The following MRTFB variants were observed in gnomAD, a reference collection of about 807,000 sequenced individuals.
MRTFB encodes myocardin-related transcription factor B.
A neutral mutation model predicts 104.2 loss-of-function variants in MRTFB; 29 were observed. The ratio of observed to expected loss-of-function variants is 0.28; its 90% CI spans 0.21 to 0.38. The LOEUF (loss-of-function observed/expected upper bound fraction) is 0.38. Among genes scored for constraint, MRTFB ranks in the 10% least tolerant of loss-of-function variants. MRTFB has a pLI of 1.00. For missense variants in MRTFB, 1,270 were observed against 1,341.6 expected, an observed-to-expected ratio of 0.95 and a Z score of 0.83; for synonymous variants, 535 against 519.5, an observed-to-expected ratio of 1.03 and a Z score of -0.41.
chr16:14,248,920 T>C lies in MRTFB; in HGVS notation c.2248-6T>C. ...AAATTGATGTTTTTTTCAATTCACC[T>C]CCTAGACTTCACCACAAGCAGGAAT... is the stretch of plus-strand genomic sequence containing the variant. On this transcript the variant is annotated splice_polypyrimidine_tract_variant and splice_region_variant and intron_variant, in intron 12 of 16. Coordinates refer to ENST00000571589, the MANE Select transcript of MRTFB (RefSeq NM_001308142.2). 1 of 1,613,314 alleles carries C rather than the reference T, an allele frequency of 6.2e-7. No homozygotes were observed. The highest frequency in any genetic ancestry group is 8.5e-7 in the Non-Finnish European group (1 of 1,179,784).
chr16:14,030,425 A>G, the MRTFB span, among the ~76,000 whole-genome samples: 1 of 152,060 alleles, frequency 6.6e-6, no homozygotes, highest in Non-Finnish European at 1.5e-5. Context: ...TGTAGTCATC[A>G]TTTGTCTATG....
At chr16:14,251,630 T>G (rs188251753) in intron 13 of MRTFB, among the ~76,000 whole-genome samples, 104 of 152,316 alleles carry the variant, frequency 6.8e-4, no homozygotes, top group Admixed American at 1.9e-3. Flanking sequence ...TAAAGTTTTA[T>G]TGGCACACAG....
chr16:14,045,649 C>T, the MRTFB span, among the ~76,000 whole-genome samples: 24 of 152,234 alleles, frequency 1.6e-4, 1 homozygote, highest in Non-Finnish European at 3.4e-4. Flanking sequence ...GATTCACATT[C>T]TACCTTCATC....
intron 8 of MRTFB, among the ~76,000 whole-genome samples, chr16:14,222,811 G>C (rs1202142695): frequency 1.3e-5 from 2 of 152,210 alleles, no homozygotes; most frequent in South Asian, 2.1e-4. Flanking sequence ...ACAGATGCTG[G>C]TGAGGCTGCG....
intron 3 of MRTFB, among the ~76,000 whole-genome samples, chr16:14,193,092 T>A (rs546017056): frequency 6.6e-6 from 1 of 151,550 alleles, no homozygotes; most frequent in African/African-American, 2.4e-5. Context: ...CCTTGCTGGT[T>A]TTCCCTCCCC....
At chr16:14,198,041 A>G (rs988965110) in intron 3 of MRTFB, among the ~76,000 whole-genome samples, 8 of 152,306 alleles carry the variant, frequency 5.3e-5, no homozygotes, top group Admixed American at 5.2e-4. Flanking sequence ...TCTGTCTCTG[A>G]ATTTACCAGT....
At chr16:14,205,048 A>G (rs1299726764) in intron 3 of MRTFB, among the ~76,000 whole-genome samples, 2 of 152,220 alleles carry the variant, frequency 1.3e-5, no homozygotes, top group Non-Finnish European at 2.9e-5. Flanking sequence ...AAATAATAAG[A>G]ATATTTATCA....
intron 2 of MRTFB, among the ~76,000 whole-genome samples, chr16:14,087,480 A>C (rs191176906): frequency 1.3e-5 from 2 of 152,286 alleles, no homozygotes; most frequent in East Asian, 3.8e-4. Context: ...ATAGATGTCC[A>C]ATGTGGGAAT....
At chr16:14,181,848 C>G (rs549712947) in intron 3 of MRTFB, among the ~76,000 whole-genome samples, 1 of 152,138 alleles carries the variant, frequency 6.6e-6, no homozygotes, top group Non-Finnish European at 1.5e-5. Flanking sequence ...TGGATTGTTC[C>G]TAGTCTCTAA....
chr16:14,044,330 TG>T, the MRTFB span, among the ~76,000 whole-genome samples: 1 of 152,154 alleles, frequency 6.6e-6, no homozygotes, highest in South Asian at 2.1e-4. Context: ...GGGAAGACAG[TG>T]GGGTGGAAGG....
chr16:14,112,661 C>G (rs1030522463), intron 2 of MRTFB, among the ~76,000 whole-genome samples: 1 of 152,266 alleles, frequency 6.6e-6, no homozygotes, highest in Non-Finnish European at 1.5e-5. Context: ...GACCTGACCT[C>G]TAGCTGAGTT....
At chr16:14,036,486 T>C in the MRTFB span, among the ~76,000 whole-genome samples, 4 of 147,920 alleles carry the variant, frequency 2.7e-5, no homozygotes, top group South Asian at 4.2e-4. Context: ...ATATATTCCA[T>C]CATATATATG....
the MRTFB span, among the ~76,000 whole-genome samples, chr16:14,040,644 G>A: frequency 1.3e-5 from 2 of 151,932 alleles, no homozygotes; most frequent in Non-Finnish European, 2.9e-5. Flanking sequence ...TGTATTTTTA[G>A]TACAGATGGG....
At chr16:14,007,379 T>G in the MRTFB span, among the ~76,000 whole-genome samples, 2 of 152,238 alleles carry the variant, frequency 1.3e-5, no homozygotes, top group Non-Finnish European at 2.9e-5. Context: ...CATCATGCTT[T>G]TAAGTTCCCC....
chr16:14,049,382 C>A, the MRTFB span, among the ~76,000 whole-genome samples: 1 of 152,120 alleles, frequency 6.6e-6, no homozygotes, highest in African/African-American at 2.4e-5. Context: ...ACTCAGAAAA[C>A]AAAACTTGAT....
At chr16:14,122,677 A>C (rs2036914168) in intron 2 of MRTFB, among the ~76,000 whole-genome samples, 1 of 152,014 alleles carries the variant, frequency 6.6e-6, no homozygotes, top group Admixed American at 6.6e-5. Context: ...TATTTTCTTT[A>C]TCCAGTCTAT....
At chr16:14,235,456 C>T (rs2042455370) in intron 9 of MRTFB, among the ~76,000 whole-genome samples, 1 of 152,220 alleles carries the variant, frequency 6.6e-6, no homozygotes, top group Non-Finnish European at 1.5e-5. Context: ...CCTGCCGATC[C>T]TCAAACGGGT....
chr16:14,210,156 A>T, intron 3 of MRTFB, 87 bp from the exon 4 acceptor site: 1 of 941,512 alleles, frequency 1.1e-6, no homozygotes, highest in South Asian at 1.7e-5. Context: ...ATGCTTGATA[A>T]AGCTTAATTG....
chr16:14,167,731 G>A lies in MRTFB; in HGVS notation c.154+26971G>A, dbSNP rs185991057. Among the ~76,000 whole-genome samples the A allele has an allele frequency of 3.7e-3, 566 of 152,036 alleles. 1 individual carries two copies. The highest frequency in any genetic ancestry group is 6.7e-3 in the Non-Finnish European group (452 of 67,966). On this transcript the variant is annotated intron_variant, in intron 3 of 16. Transcript: ENST00000571589. ...TTTTGAGATGGAGTCTTGCTCTGTCGCCCAGGCTGGAGTGCAGTGGCGCGA... is the reference window on the plus strand; with the variant it reads ...TTTTGAGATGGAGTCTTGCTCTGTCACCCAGGCTGGAGTGCAGTGGCGCGA...
Sources: allele counts gnomAD v4.1 joint callset (sites outside exome capture counted in the v4.1 genomes callset), GRCh38; gene constraint gnomAD v4.1.1; transcripts MANE v1.5; gene names NCBI Gene and HGNC (gene_info 2026-07-23, HGNC 2026-07-21).